Variants in TXNDC8 observed in about 807,000 individuals in gnomAD.
TXNDC8 encodes thioredoxin domain containing 8, also known as thioredoxin domain-containing protein 8.
TXNDC8 carries 15 observed loss-of-function variants against 12.9 expected under a neutral mutation model. The ratio of observed to expected loss-of-function variants is 1.16; its 90% CI spans 0.78 to 1.79. The LOEUF is 1.79. Among genes scored for constraint, TXNDC8 ranks in the 40% most tolerant of loss-of-function variants. The pLI is 0.00. For synonymous variants in TXNDC8, 40 were observed against 35.4 expected (o/e 1.13, Z -0.46); for missense variants, 128 against 113.2 (o/e 1.13, Z -0.59).
intron 3 of TXNDC8, chr9:110,322,708 T>C (rs2118813766): frequency 1.0e-6 from 1 of 985,378 alleles, no homozygotes; most frequent in East Asian, 1.1e-4. Flanking sequence ...ACCAGAAAAT[T>C]ATACTGAACT....
At chr9:110,314,515 C>T (rs913623276) in intron 3 of TXNDC8, among the ~76,000 whole-genome samples, 2 of 150,684 alleles carry the variant, frequency 1.3e-5, no homozygotes, top group African/African-American at 4.9e-5. Flanking sequence ...TCACTGCAAG[C>T]TCCGCCTCCT....
At chr9:110,329,533 TAG>T (rs1232070935) in intron 2 of TXNDC8, among the ~76,000 whole-genome samples, 1 of 152,108 alleles carries the variant, frequency 6.6e-6, no homozygotes, top group Non-Finnish European at 1.5e-5. Context: ...AACTGAAGAT[TAG>T]AGTTTCAAGG....
chr9:110,311,818 T>A (rs1838699945), intron 3 of TXNDC8, among the ~76,000 whole-genome samples: 1 of 145,898 alleles, frequency 6.9e-6, no homozygotes, highest in South Asian at 2.1e-4. Flanking sequence ...TATATATGGA[T>A]ATACTATATA....
At chr9:110,315,245 C>T (rs937378667) in intron 3 of TXNDC8, among the ~76,000 whole-genome samples, 5 of 151,886 alleles carry the variant, frequency 3.3e-5, no homozygotes, top group African/African-American at 1.2e-4. Context: ...TTACAAGCAC[C>T]CGCCACCACA....
At chr9:110,329,729 G>T (rs762517616) in intron 2 of TXNDC8, among the ~76,000 whole-genome samples, 8 of 152,132 alleles carry the variant, frequency 5.3e-5, no homozygotes, top group Non-Finnish European at 1.2e-4. Context: ...GGAGGTGCTG[G>T]TGCTACTGGT....
rs1343430041 is a variant in TXNDC8 at position 110,334,241 on chromosome 9, C to A, written c.104G>T (p.Cys35Phe). 6.2e-7 allele frequency: 1 copy of A among 1,612,910 alleles called. No homozygotes were observed. The highest frequency in any genetic ancestry group is 1.1e-5 in the South Asian group (1 of 91,034). Residue 35 changes from cysteine (C) to phenylalanine (F), a missense_variant, in exon 2 of 5, where the codon TGC becomes TTC. By Grantham distance (205) the Cys-to-Phe change is radical. Transcript: ENST00000423740. ...ATGGAAAACAGGAAACATCCTTTTGCAGGGACCACACCGTTTCGAAGAAAA... is the reference window on the plus strand; with the variant it reads ...ATGGAAAACAGGAAACATCCTTTTGAAGGGACCACACCGTTTCGAAGAAAA...
chr9:110,310,446 G>C (rs1838622788), intron 3 of TXNDC8, among the ~76,000 whole-genome samples: 1 of 152,074 alleles, frequency 6.6e-6, no homozygotes, highest in Admixed American at 6.6e-5. Flanking sequence ...TCAAGAATTT[G>C]AAAGTATAAG....
At chr9:110,322,868 A>G (rs1476524382) in intron 3 of TXNDC8, 1 of 985,418 alleles carries the variant, frequency 1.0e-6, no homozygotes, top group Non-Finnish European at 1.2e-6. Flanking sequence ...AGTATTTTCT[A>G]TCCACTTGGG....
chr9:110,337,436 C>T (rs951566020), intron 1 of TXNDC8, among the ~76,000 whole-genome samples: 1 of 152,170 alleles, frequency 6.6e-6, no homozygotes, highest in Non-Finnish European at 1.5e-5. Context: ...GACTTCCTTA[C>T]TTCCATGGAA....
At chr9:110,335,231 T>A (rs1198902852) in intron 1 of TXNDC8, among the ~76,000 whole-genome samples, 1 of 152,202 alleles carries the variant, frequency 6.6e-6, no homozygotes, top group East Asian at 1.9e-4. Flanking sequence ...TCTTTATTTT[T>A]ATTTTAATTT....
At chr9:110,326,921 C>A (rs890248431) in intron 2 of TXNDC8, among the ~76,000 whole-genome samples, 2 of 144,264 alleles carry the variant, frequency 1.4e-5, no homozygotes, top group Non-Finnish European at 3.0e-5. Flanking sequence ...GGCATTAAAT[C>A]TCTTGCCCTG....
In TXNDC8 at chr9:110,325,294, A is replaced by G. The variant is rs554599044; in HGVS notation, c.195+881T>C. The stretch of plus-strand genomic sequence containing the variant: ...TTCATTTAATTATCACACCAACCCT[A>G]TGAGGGGAAAATTTATTATGATTCA... On this transcript the variant is annotated intron_variant, in intron 3 of 4. Transcript: ENST00000423740. Among the ~76,000 whole-genome samples, 17 of 152,244 alleles carry G rather than the reference A, an allele frequency of 1.1e-4. No homozygotes were observed. The South Asian group carries it at 3.3e-3, about 30-fold the overall frequency.
rs537394574 is a variant in TXNDC8, at chr9:110,319,788, A to G, written c.195+6387T>C. On this transcript the variant is annotated intron_variant, in intron 3 of 4. Coordinates refer to ENST00000423740, the MANE Select transcript of TXNDC8 (RefSeq NM_001286946.2). ...ACAGAGTGTGTGACCCTTGCTTCCA[A>G]TCTTGTCCTCTTTCTAGCATACCAC... Among the ~76,000 whole-genome samples, 18 of 152,218 alleles carry G rather than the reference A, an allele frequency of 1.2e-4. No homozygotes were observed. The South Asian group carries it at 3.5e-3, about 30-fold the overall frequency.
intron 2 of TXNDC8, 114 bp from the exon 3 acceptor site, chr9:110,329,405 C>T: frequency 1.3e-6 from 1 of 752,744 alleles, no homozygotes; most frequent in Non-Finnish European, 2.1e-6. Context: ...TTAAAGAGGA[C>T]TAAGCATCAT....
chr9:110,335,167 C>T (rs955868928), intron 1 of TXNDC8, among the ~76,000 whole-genome samples: 1 of 152,080 alleles, frequency 6.6e-6, no homozygotes, highest in Non-Finnish European at 1.5e-5. Context: ...TGATCCCTAA[C>T]TGACACATAA....
At chr9:110,304,554 C>T in intron 3 of TXNDC8, 22 bp from the exon 5 acceptor site, 2 of 1,590,846 alleles carry the variant, frequency 1.3e-6, no homozygotes, top group African/African-American at 1.3e-5. Context: ...TGCAGAATTT[C>T]ATAATTTATC....
intron 3 of TXNDC8, among the ~76,000 whole-genome samples, chr9:110,318,522 G>A (rs1250714882): frequency 6.6e-6 from 1 of 152,124 alleles, no homozygotes; most frequent in African/African-American, 2.4e-5. Flanking sequence ...GGATCACGAG[G>A]TCAGGAGATC....
chr9:110,335,075 G>C (rs1214574635), intron 1 of TXNDC8, among the ~76,000 whole-genome samples: 2 of 152,026 alleles, frequency 1.3e-5, no homozygotes, highest in African/African-American at 2.4e-5. Flanking sequence ...CAAGTGACTG[G>C]TCCTACACTA....
rs1401868392 is a variant in TXNDC8, at chr9:110,334,305, A to T, written c.40T>A (p.Phe14Ile). The T allele has an allele frequency of 2.5e-6, 4 of 1,613,084 alleles. No individual in the cohort carries two copies. In the African/African-American group the frequency reaches 5.3e-5, roughly 22 times the overall value. The change falls in exon 2 of 5, where the codon TTT becomes ATT. Residue 14 changes from phenylalanine to isoleucine, a missense_variant. By Grantham distance (21) the Phe-to-Ile change is conservative. Coordinates refer to ENST00000423740, the MANE Select transcript of TXNDC8 (RefSeq NM_001286946.2). ...AGTTTGTGTCCGGCAGCTGTCAAAA[A>T]TGTTTTAAATTCATTCTGAAAACAG...
Sources: gnomAD v4.1 joint callset for allele counts (sites outside exome capture counted in the v4.1 genomes callset) on GRCh38, gnomAD v4.1.1 for gene constraint, MANE v1.5 for transcripts, NCBI Gene and HGNC (gene_info 2026-07-23, HGNC 2026-07-21) for gene names.